VCF2: variants seen among roughly 807,000 people sequenced by gnomAD.
VCF2 encodes protein VCF2.
At chrX:55,149,186 T>G in the VCF2 span, among the ~76,000 whole-genome samples, 2 of 110,607 alleles carry the variant, frequency 1.8e-5, no homozygotes, top group Non-Finnish European at 3.8e-5. Context: ...TTTTTTTTTT[T>G]TTTTTCTTGC....
chrX:55,161,150 C>T, the VCF2 span: 2 of 1,207,756 alleles, frequency 1.7e-6, no homozygotes, highest in Admixed American at 4.4e-5. Flanking sequence ...ACAGGGCAGC[C>T]TCCCATAGTC....
chrX:55,159,177 G>C, the VCF2 span: 7 of 1,207,084 alleles, frequency 5.8e-6, no homozygotes, highest in Non-Finnish European at 6.7e-6. Flanking sequence ...TATTCCTTTT[G>C]GGCTGGGTGG....
chrX:55,160,194 T>C, the VCF2 span, among the ~76,000 whole-genome samples: 17 of 112,447 alleles, frequency 1.5e-4, no homozygotes, highest in African/African-American at 5.5e-4. Flanking sequence ...ACAATGTTTA[T>C]TGAGCATCCA....
the VCF2 span, chrX:55,161,121 GC>G: frequency 8.3e-7 from 1 of 1,208,401 alleles, no homozygotes; most frequent in Admixed American, 2.2e-5. Flanking sequence ...GGCCGGAAAG[GC>G]CCCGACGAAC....
chrX:55,150,507 G>A, the VCF2 span, among the ~76,000 whole-genome samples: 1 of 111,657 alleles, frequency 9.0e-6, no homozygotes, highest in Non-Finnish European at 1.9e-5. Flanking sequence ...ACCTCCTGCT[G>A]TGCGGCCTGG....
the VCF2 span, among the ~76,000 whole-genome samples, chrX:55,159,504 A>G: frequency 8.9e-6 from 1 of 112,421 alleles, no homozygotes; most frequent in African/African-American, 3.2e-5. Context: ...AAAGAATATG[A>G]GGAATTTAAT....
chrX:55,154,341 C>A, the VCF2 span, among the ~76,000 whole-genome samples: 1 of 112,026 alleles, frequency 8.9e-6, no homozygotes, highest in Non-Finnish European at 1.9e-5. Flanking sequence ...TCACCATCCT[C>A]CTGAATCCTC....
the VCF2 span, among the ~76,000 whole-genome samples, chrX:55,158,022 T>C: frequency 5.3e-5 from 6 of 112,288 alleles, no homozygotes; most frequent in African/African-American, 1.9e-4. Flanking sequence ...TTCCTATATG[T>C]GCAAACATAT....
chrX:55,145,632 T>G, the VCF2 span: 1 of 756,515 alleles, frequency 1.3e-6, no homozygotes, highest in South Asian at 6.7e-5. Flanking sequence ...AACTTATGGT[T>G]TTTTGAGTGT....
At chrX:55,160,952 G>A in the VCF2 span, 8 of 1,164,590 alleles carry the variant, frequency 6.9e-6, no homozygotes, top group Non-Finnish European at 9.2e-6. Flanking sequence ...AAGCAGGGCC[G>A]CGCCACCGGC....
At chrX:55,154,605 G>C in the VCF2 span, among the ~76,000 whole-genome samples, 1 of 112,303 alleles carries the variant, frequency 8.9e-6, no homozygotes, top group Non-Finnish European at 1.9e-5. Context: ...GAAAAAGCAG[G>C]ATTTAGGTTA....
the VCF2 span, among the ~76,000 whole-genome samples, chrX:55,146,858 C>A: frequency 8.9e-6 from 1 of 112,342 alleles, no homozygotes; most frequent in Non-Finnish European, 1.9e-5. Context: ...GTATGGTCTT[C>A]CTATATCAAT....
At chrX:55,146,099 C>T in the VCF2 span, 4 of 1,209,744 alleles carry the variant, frequency 3.3e-6, no homozygotes, top group Non-Finnish European at 4.5e-6. Context: ...TTGGAGCTTG[C>T]CCTCGCTGCT....
the VCF2 span, among the ~76,000 whole-genome samples, chrX:55,151,888 C>CTTT: frequency 1.2e-3 from 62 of 49,909 alleles, no homozygotes; most frequent in Middle Eastern, 0.015. Flanking sequence ...GCTGTGCTTT[C>CTTT]TTTTTTTTTT....
chrX:55,160,996 C>A, the VCF2 span: 1 of 1,167,460 alleles, frequency 8.6e-7, no homozygotes, highest in Non-Finnish European at 1.1e-6. Flanking sequence ...GAGAGCCGAG[C>A]GCCACCAACC....
chrX:55,154,769 A>C, the VCF2 span, among the ~76,000 whole-genome samples: 1 of 112,560 alleles, frequency 8.9e-6, no homozygotes, highest in Non-Finnish European at 1.9e-5. Context: ...GCTGGGGCCC[A>C]ACCTCTGAGA....
At chrX:55,156,860 A>G in the VCF2 span, among the ~76,000 whole-genome samples, 1 of 112,377 alleles carries the variant, frequency 8.9e-6, no homozygotes, top group South Asian at 3.7e-4. Context: ...GGTAATCCTC[A>G]CCTGCAGAAA....
At chrX:55,159,500 T>C in the VCF2 span, among the ~76,000 whole-genome samples, 2 of 112,247 alleles carry the variant, frequency 1.8e-5, no homozygotes, top group Non-Finnish European at 3.8e-5. Flanking sequence ...AAATAAAGAA[T>C]ATGAGGAATT....
At chrX:55,144,224 T>G in the VCF2 span, among the ~76,000 whole-genome samples, 2 of 111,542 alleles carry the variant, frequency 1.8e-5, no homozygotes, top group African/African-American at 3.3e-5. Context: ...GAATTCTTCC[T>G]GGGTATTTCT....
Sources: gnomAD v4.1 joint callset for allele counts (sites outside exome capture counted in the v4.1 genomes callset) on GRCh38, gnomAD v4.1.1 for gene constraint, MANE v1.5 for transcripts, NCBI Gene and HGNC (gene_info 2026-07-23, HGNC 2026-07-21) for gene names.